BAALC: variants seen among roughly 807,000 people sequenced by gnomAD.
BAALC encodes BAALC binder of MAP3K1 and KLF4.
Under a neutral mutation model 15.5 loss-of-function variants are expected in BAALC, and 9 were observed. That is an observed-to-expected ratio of 0.58 (90% confidence interval 0.35 to 1.02). The LOEUF (loss-of-function observed/expected upper bound fraction) is 1.02. BAALC is among the 50% of genes least tolerant of loss of function. The pLI, the probability that BAALC is intolerant of heterozygous loss-of-function variation, is 0.02. For missense variants in BAALC, 201 were observed against 192.4 expected, an observed-to-expected ratio of 1.04 and a Z score of -0.27; for synonymous variants, 80 against 74.6, an observed-to-expected ratio of 1.07 and a Z score of -0.37.
chr8:103,142,991 T>C (rs955999054), intron 1 of BAALC, among the ~76,000 whole-genome samples: 1 of 152,176 alleles, frequency 6.6e-6, no homozygotes, highest in Non-Finnish European at 1.5e-5. Flanking sequence ...CACCCTGAAA[T>C]TGGCAAGACG....
At chr8:103,224,935 G>A (rs1812770698) in intron 2 of BAALC, among the ~76,000 whole-genome samples, 1 of 151,984 alleles carries the variant, frequency 6.6e-6, no homozygotes, top group Non-Finnish European at 1.5e-5. Context: ...ATAGGAGTTG[G>A]GCAAGATTAA....
rs1356867983 is a variant in BAALC, at chr8:103,228,848, G to T, written c.*749G>T. 6.6e-6 allele frequency: 1 copy of T among 152,226 alleles called. No individual in the cohort carries two copies. Among genetic ancestry groups the T allele is most frequent in the East Asian group, 1.9e-4 (1 of 5,200 alleles). 9.4% of individuals were successfully genotyped at this position (152,226 alleles called of 1,614,324 possible). ...CTTGTGGCCAATGCATCCAAATAAG[G>T]ATACCCCTCAGGGCTCAGCTAGACA... On this transcript the variant is annotated 3_prime_UTR_variant, in exon 3 of 3. Transcript: ENST00000309982.
chr8:103,194,322 G>T (rs1476540217), intron 1 of BAALC, among the ~76,000 whole-genome samples: 1 of 152,224 alleles, frequency 6.6e-6, no homozygotes, highest in South Asian at 2.1e-4. Flanking sequence ...TTGCCTTTAA[G>T]GATTAGGGAA....
chr8:103,216,962 C>A lies in BAALC; in HGVS notation c.327+3877C>A, dbSNP rs1812570406. Among the ~76,000 whole-genome samples the A allele has an allele frequency of 4.6e-5, 7 of 152,208 alleles. No individual in the cohort carries two copies. The South Asian group carries it at 8.3e-4, about 18-fold the overall frequency. The stretch of plus-strand genomic sequence containing the variant: ...CCCCATGCCGCACATACACACACAC[C>A]CCACACACTTTGGGAGCTCATGGGG... On this transcript the variant is annotated intron_variant, in intron 2 of 2. Transcript: ENST00000309982.
chr8:103,141,914 A>G (rs1451555478), intron 1 of BAALC, among the ~76,000 whole-genome samples: 1 of 152,220 alleles, frequency 6.6e-6, no homozygotes, highest in African/African-American at 2.4e-5. Flanking sequence ...AGAACAAGTA[A>G]TTATAGCGCA....
chr8:103,165,218 CTG>C (rs1233775008), intron 1 of BAALC, among the ~76,000 whole-genome samples: 1 of 152,152 alleles, frequency 6.6e-6, no homozygotes. Context: ...CTTTGCATTT[CTG>C]TGTTACATCA....
chr8:103,150,349 G>GTGTGTGTT (rs1810959749), intron 1 of BAALC, among the ~76,000 whole-genome samples: 2 of 150,992 alleles, frequency 1.3e-5, no homozygotes, highest in East Asian at 4.0e-4. Flanking sequence ...GTGTGTGTGT[G>GTGTGTGTT]TGTCTGTGTG....
chr8:103,205,666 C>T (rs983690872), intron 1 of BAALC, among the ~76,000 whole-genome samples: 1 of 152,064 alleles, frequency 6.6e-6, no homozygotes, highest in Admixed American at 6.6e-5. Flanking sequence ...ATTCCTGGGC[C>T]CCTACTGAAT....
At chr8:103,223,356 A>C (rs890167327) in intron 2 of BAALC, among the ~76,000 whole-genome samples, 2 of 152,228 alleles carry the variant, frequency 1.3e-5, no homozygotes, top group Non-Finnish European at 2.9e-5. Context: ...ATAAACCAGG[A>C]TAAACTAGGA....
chr8:103,162,213 T>G (rs528683107), intron 1 of BAALC, among the ~76,000 whole-genome samples: 1 of 152,120 alleles, frequency 6.6e-6, no homozygotes, highest in South Asian at 2.1e-4. Context: ...TCTCCCACCT[T>G]GGCCTCCGGA....
At position 103,154,277 on chromosome 8, in the gene BAALC, T is replaced by TGTGAGCA. The variant is rs1446434456; in HGVS notation, c.160+13224_160+13230dup. Among the ~76,000 whole-genome samples, 3 of 152,272 alleles carry TGTGAGCA rather than the reference T, an allele frequency of 2.0e-5. No homozygotes were observed. The East Asian group carries it at 5.8e-4, about 29-fold the overall frequency. On this transcript the variant is annotated intron_variant, in intron 1 of 2. Transcript: ENST00000309982. ...ATGGCTTGTCTAAATGTACACGGGCTGTGAGCAGTGGGGTGGGGTTTGGAA... is the reference window on the plus strand; with the variant it reads ...ATGGCTTGTCTAAATGTACACGGGCTGTGAGCAGTGAGCAGTGGGGTGGGGTTTGGAA...
At chr8:103,181,141 C>T (rs2129973206) in intron 1 of BAALC, among the ~76,000 whole-genome samples, 1 of 152,206 alleles carries the variant, frequency 6.6e-6, no homozygotes, top group Admixed American at 6.5e-5. Context: ...ACGGTTCCTT[C>T]CTGCCACTCC....
intron 1 of BAALC, among the ~76,000 whole-genome samples, chr8:103,192,938 A>T (rs1227501516): frequency 2.6e-5 from 4 of 152,186 alleles, no homozygotes; most frequent in Non-Finnish European, 5.9e-5. Flanking sequence ...AGGGACAAGG[A>T]ATGAGCTTCT....
Position 103,181,116 on chromosome 8 carries a change from A to G in BAALC, c.161-31803A>G, listed in dbSNP as rs150292703. ...AGGAAAGGGTGGAGGTGCTGTAGGAACCGACTATCCCACAACGGTTCCTTC... is the reference window on the plus strand; with the variant it reads ...AGGAAAGGGTGGAGGTGCTGTAGGAGCCGACTATCCCACAACGGTTCCTTC... On this transcript the variant is annotated intron_variant, in intron 1 of 2. Coordinates refer to ENST00000309982, the MANE Select transcript of BAALC (RefSeq NM_024812.3). 2.3e-3 allele frequency among the ~76,000 whole-genome samples: 357 copies of G among 152,162 alleles called. 2 individuals carry two copies. The highest frequency in any genetic ancestry group is 4.0e-3 in the Non-Finnish European group (269 of 67,996).
chr8:103,156,064 T>C (rs1333452012), intron 1 of BAALC, among the ~76,000 whole-genome samples: 2 of 152,200 alleles, frequency 1.3e-5, no homozygotes, highest in Admixed American at 1.3e-4. Flanking sequence ...AATGAGCGTG[T>C]CTGTGTTCCA....
At chr8:103,189,095 A>G (rs1411360064) in intron 1 of BAALC, among the ~76,000 whole-genome samples, 1 of 152,258 alleles carries the variant, frequency 6.6e-6, no homozygotes, top group East Asian at 1.9e-4. Flanking sequence ...CCTGGAAGGT[A>G]GTGTGTTCCC....
intron 2 of BAALC, among the ~76,000 whole-genome samples, chr8:103,218,271 C>A (rs1812606518): frequency 6.6e-6 from 1 of 152,062 alleles, no homozygotes; most frequent in Non-Finnish European, 1.5e-5. Flanking sequence ...CAAAAATGAT[C>A]TTTCATAAAT....
intron 1 of BAALC, among the ~76,000 whole-genome samples, chr8:103,208,026 C>T (rs937050043): frequency 6.6e-6 from 1 of 152,210 alleles, no homozygotes; most frequent in Admixed American, 6.5e-5. Context: ...AATGCCAATC[C>T]CCCAAGCTGG....
intron 1 of BAALC, among the ~76,000 whole-genome samples, chr8:103,188,824 T>A (rs1300330238): frequency 6.6e-6 from 1 of 152,250 alleles, no homozygotes; most frequent in Non-Finnish European, 1.5e-5. Context: ...TAAATCTTTA[T>A]TCATGTTATA....
Sources: gnomAD v4.1 joint callset for allele counts (sites outside exome capture counted in the v4.1 genomes callset) on GRCh38, gnomAD v4.1.1 for gene constraint, MANE v1.5 for transcripts, NCBI Gene and HGNC (gene_info 2026-07-23, HGNC 2026-07-21) for gene names.